Variants in ERAP1 observed in about 807,000 individuals in gnomAD.
The protein encoded by ERAP1 is adipocyte-derived leucine aminopeptidase.
Under a neutral mutation model 103.7 loss-of-function variants are expected in ERAP1, and 86 were observed. The ratio of observed to expected loss-of-function variants is 0.83; its 90% CI spans 0.70 to 0.99. The LOEUF (loss-of-function observed/expected upper bound fraction) is 0.99, where lower values mean the gene tolerates loss of function less well. Ranked by LOEUF, ERAP1 falls within the 50% of genes least tolerant of loss-of-function variation. The pLI is 0.00. For missense variants in ERAP1, 1,009 were observed against 1,128.4 expected (o/e 0.89, Z 1.52); for synonymous variants, 398 against 402.4 (o/e 0.99, Z 0.13).
the ERAP1 span, among the ~76,000 whole-genome samples, chr5:96,832,840 T>C: frequency 6.6e-6 from 1 of 152,230 alleles, no homozygotes; most frequent in Non-Finnish European, 1.5e-5. Flanking sequence ...ATGGACTGAA[T>C]GTTTGTGTCT....
the ERAP1 span, chr5:96,903,428 C>G: frequency 6.2e-7 from 1 of 1,613,868 alleles, no homozygotes; most frequent in Non-Finnish European, 8.5e-7. Context: ...AATGTGGACT[C>G]AAATGGTTAC....
chr5:96,813,344 G>C, the ERAP1 span, among the ~76,000 whole-genome samples: 1 of 152,074 alleles, frequency 6.6e-6, no homozygotes, highest in Non-Finnish European at 1.5e-5. Flanking sequence ...TAATAGGCAG[G>C]TTTAGGGAAA....
At chr5:96,822,463 C>G in the ERAP1 span, among the ~76,000 whole-genome samples, 1 of 152,254 alleles carries the variant, frequency 6.6e-6, no homozygotes, top group Admixed American at 6.5e-5. Context: ...GAAAAAAATC[C>G]AGATAAAGTA....
chr5:96,834,105 T>C, the ERAP1 span, among the ~76,000 whole-genome samples: 5 of 152,232 alleles, frequency 3.3e-5, no homozygotes, highest in Non-Finnish European at 7.3e-5. Flanking sequence ...CTTAATTTGT[T>C]AGCATCATCA....
the ERAP1 span, among the ~76,000 whole-genome samples, chr5:96,885,462 C>G: frequency 3.3e-5 from 5 of 152,284 alleles, no homozygotes; most frequent in African/African-American, 1.2e-4. Context: ...TTTATCAGTA[C>G]CTTCCTCTTT....
chr5:96,858,399 G>A, the ERAP1 span, among the ~76,000 whole-genome samples: 1 of 151,990 alleles, frequency 6.6e-6, no homozygotes, highest in Non-Finnish European at 1.5e-5. Flanking sequence ...ATTTTTAGTA[G>A]AGACAGAGTT....
chr5:96,820,891 G>A, the ERAP1 span, among the ~76,000 whole-genome samples: 1 of 152,158 alleles, frequency 6.6e-6, no homozygotes, highest in Middle Eastern at 3.4e-3. Flanking sequence ...CACTTACTCT[G>A]GAGACTTCTC....
At chr5:96,900,235 C>A in the ERAP1 span, 1 of 1,610,858 alleles carries the variant, frequency 6.2e-7, no homozygotes, top group Non-Finnish European at 8.5e-7. Flanking sequence ...TGTGGAATAG[C>A]CTGACCTAGA....
chr5:96,912,005 C>G, the ERAP1 span, among the ~76,000 whole-genome samples: 1 of 150,530 alleles, frequency 6.6e-6, no homozygotes, highest in African/African-American at 2.4e-5. Context: ...CTGGCTAACA[C>G]GGTGTAACCC....
chr5:96,846,053 T>G, the ERAP1 span, among the ~76,000 whole-genome samples: 1 of 152,126 alleles, frequency 6.6e-6, no homozygotes, highest in South Asian at 2.1e-4. Context: ...CAGATGCTTG[T>G]ATCAATGTCC....
At chr5:96,795,443 CAGTT>C (rs1015468492) in intron 4 of ERAP1, among the ~76,000 whole-genome samples, 8 of 152,316 alleles carry the variant, frequency 5.3e-5, no homozygotes, top group African/African-American at 1.2e-4. Context: ...AGTGAAATGA[CAGTT>C]AGACCCTCTG....
intron 1 of ERAP1, chr5:96,805,041 C>A (rs540002275): frequency 7.1e-6 from 1 of 140,600 alleles, no homozygotes; most frequent in Non-Finnish European, 1.6e-5. Context: ...TACAAACGCA[C>A]CTTTCTAATG....
At chr5:96,911,881 A>AAAAAAAAAAT in the ERAP1 span, among the ~76,000 whole-genome samples, 3 of 125,486 alleles carry the variant, frequency 2.4e-5, no homozygotes, top group African/African-American at 8.9e-5. Flanking sequence ...AAAAAAAAAA[A>AAAAAAAAAAT]GAAAGAAAGA....
chr5:96,894,803 G>A, the ERAP1 span, among the ~76,000 whole-genome samples: 2 of 151,940 alleles, frequency 1.3e-5, no homozygotes, highest in African/African-American at 4.8e-5. Flanking sequence ...CTAAGTACCT[G>A]CTACTTAATA....
At chr5:96,892,572 A>G in the ERAP1 span, 3 of 1,183,748 alleles carry the variant, frequency 2.5e-6, no homozygotes, top group South Asian at 2.9e-5. Flanking sequence ...GAACTTAGAG[A>G]CTACTAAACC....
chr5:96,894,438 C>T, the ERAP1 span, among the ~76,000 whole-genome samples: 1 of 152,096 alleles, frequency 6.6e-6, no homozygotes, highest in Non-Finnish European at 1.5e-5. Flanking sequence ...CCAGGCTCTT[C>T]TGAATCTTAG....
chr5:96,932,903 T>A, the ERAP1 span, among the ~76,000 whole-genome samples: 6 of 152,206 alleles, frequency 3.9e-5, no homozygotes, highest in East Asian at 7.7e-4. Flanking sequence ...AGTAGATGGG[T>A]ATAGTAGATA....
chr5:96,909,788 C>CTAG, the ERAP1 span: 1 of 1,604,788 alleles, frequency 6.2e-7, no homozygotes, highest in Non-Finnish European at 8.5e-7. Flanking sequence ...TCTGTCCTAC[C>CTAG]CTTTGTTCTT....
chr5:96,830,607 T>G, the ERAP1 span, among the ~76,000 whole-genome samples: 1 of 152,250 alleles, frequency 6.6e-6, no homozygotes, highest in Non-Finnish European at 1.5e-5. Context: ...CTTGCAAATA[T>G]AATTCAGCAA....
Sources: gnomAD v4.1 joint callset for allele counts (sites outside exome capture counted in the v4.1 genomes callset) on GRCh38, gnomAD v4.1.1 for gene constraint, MANE v1.5 for transcripts, NCBI Gene and HGNC (gene_info 2026-07-23, HGNC 2026-07-21) for gene names.